COL5A1: variants seen among roughly 807,000 people sequenced by gnomAD.
COL5A1 encodes collagen alpha-1(V) chain.
COL5A1 carries 16 observed loss-of-function variants against 263.7 expected under a neutral mutation model. The observed-to-expected ratio is 0.06, with a 90% confidence interval of 0.04 to 0.09. The LOEUF is 0.09. Among genes scored for constraint, COL5A1 ranks in the 10% least tolerant of loss-of-function variants. The probability of loss-of-function intolerance (pLI) is 1.00; values close to 1 mark genes in which losing one functional copy is unlikely to be tolerated. For missense variants in COL5A1, 2,036 were observed against 2,540.5 expected (o/e 0.80, Z 4.27); for synonymous variants, 1,012 against 1,004.5 (o/e 1.01, Z -0.14).
chr9:134,692,261 G>T (rs1833312211), intron 2 of COL5A1, among the ~76,000 whole-genome samples: 2 of 152,184 alleles, frequency 1.3e-5, no homozygotes, highest in Non-Finnish European at 2.9e-5. Context: ...GCCCACCTCT[G>T]GGTACCAGAG....
chr9:134,823,030 C>G lies in COL5A1; in HGVS notation c.4641C>G (p.Ser1547=), dbSNP rs1280179438. The change falls in exon 60 of 66, where the codon TCC becomes TCG. Residue 1547 remains serine, a synonymous_variant. Coordinates refer to ENST00000371817, the MANE Select transcript of COL5A1 (RefSeq NM_000093.5). ...CTGGTCCAAAAGGTGCTAAGGGCTCCTCGGTAAGTAACATGCTGCCCAGCC... is the reference window on the plus strand; with the variant it reads ...CTGGTCCAAAAGGTGCTAAGGGCTCGTCGGTAAGTAACATGCTGCCCAGCC... ...GPPGPKGAKG[S]SGPTGPKGEA... 15 of 1,613,962 alleles carry G rather than the reference C, an allele frequency of 9.3e-6. No individual in the cohort carries two copies. In the East Asian group the frequency reaches 3.1e-4, roughly 34 times the overall value.
intron 63 of COL5A1, among the ~76,000 whole-genome samples, chr9:134,827,845 G>A (rs1839352895): frequency 6.6e-6 from 1 of 152,262 alleles, no homozygotes; most frequent in South Asian, 2.1e-4. Flanking sequence ...CTTCCAGGAA[G>A]AAGCTGCCTT....
intron 16 of COL5A1, 38 bp from the exon 17 acceptor site, chr9:134,756,727 G>T (rs1055596567): frequency 1.2e-6 from 2 of 1,608,806 alleles, no homozygotes; most frequent in Non-Finnish European, 1.7e-6. Flanking sequence ...GTGAACCGGG[G>T]CTCTTTTGCA....
rs1183451492 is a variant in COL5A1 at position 134,789,233 on chromosome 9, AG to A, written c.2700+27del. On this transcript the variant is annotated intron_variant, in intron 32 of 65. Transcript: ENST00000371817. The surrounding 1 kb of genome is among the most constrained non-coding windows in gnomAD (Gnocchi z 4.8). ...GGTAAGGATAGCCTGGCCCCTGGGC[AG>A]GCAGCTTGTTCGGCTGCCTCGGTGC... 6 of 1,609,526 alleles carry A rather than the reference AG, an allele frequency of 3.7e-6. No homozygotes were observed. The highest frequency in any genetic ancestry group is 4.2e-6 in the Non-Finnish European group (5 of 1,177,576).
At chr9:134,812,814 A>ACCCC in intron 48 of COL5A1, 102 bp downstream of exon 48, 2 of 851,306 alleles carry the variant, frequency 2.3e-6, no homozygotes, top group Non-Finnish European at 3.9e-6. Context: ...GTGCGCATGC[A>ACCCC]CACGCTTGTG....
intron 9 of COL5A1, among the ~76,000 whole-genome samples, chr9:134,734,689 C>T (rs775593242): frequency 1.2e-4 from 19 of 152,220 alleles, no homozygotes; most frequent in Non-Finnish European, 2.1e-4. Context: ...TCCACGGAAC[C>T]GAGAGGAGAC....
At chr9:134,797,123 C>T (rs952698144) in intron 36 of COL5A1, among the ~76,000 whole-genome samples, 5 of 152,370 alleles carry the variant, frequency 3.3e-5, no homozygotes, top group Admixed American at 1.3e-4. Flanking sequence ...GTCCCACTGC[C>T]GGGCCCGCTG....
rs368910903 is a variant in COL5A1 at position 134,681,808 on chromosome 9, A to G, written c.110-9104A>G. 2.2e-4 allele frequency among the ~76,000 whole-genome samples: 34 copies of G among 152,130 alleles called. No homozygotes were observed. The East Asian group carries it at 2.5e-3, about 11-fold the overall frequency. Reference sequence around the variant, plus strand: ...GCTTGGGGTTATTTAGAGACTCTCAAGTTTTTCTTGAAGTTAAGGATATTG... The same window carrying G: ...GCTTGGGGTTATTTAGAGACTCTCAGGTTTTTCTTGAAGTTAAGGATATTG... On this transcript the variant is annotated intron_variant, in intron 1 of 65. Coordinates refer to ENST00000371817, the MANE Select transcript of COL5A1 (RefSeq NM_000093.5). This position sits in a 1 kb window ranked among gnomAD's most constrained non-coding sequence, Gnocchi z 4.3.
chr9:134,830,328 T>C, intron 64 of COL5A1: 2 of 741,838 alleles, frequency 2.7e-6, no homozygotes, highest in East Asian at 5.4e-5. Context: ...CAGCTAGGTG[T>C]GGAGTCCTCT....
Position 134,785,037 on chromosome 9 carries a change from C to T in COL5A1, c.2533C>T (p.Pro845Ser). The change falls in exon 30 of 66, where the codon CCA becomes TCA. Residue 845 changes from proline to serine, a missense_variant. Physicochemically the swap from Pro to Ser is moderately conservative, Grantham distance 74 (BLOSUM62 -1). Transcript: ENST00000371817. ...GPRGEDGPEG[P>S]KGRGGPNGDP... is the part of the protein sequence containing the mutation. ...CAGGGGAGAAGATGGCCCTGAAGGC[C>T]CAAAGGGTCGCGGAGGTCCCAATGG... 3 of 1,613,408 alleles carry T rather than the reference C, an allele frequency of 1.9e-6. No homozygotes were observed. The highest frequency in any genetic ancestry group is 1.7e-6 in the Non-Finnish European group (2 of 1,180,010).
intron 64 of COL5A1, among the ~76,000 whole-genome samples, chr9:134,834,013 C>T (rs948845627): frequency 6.6e-6 from 1 of 152,152 alleles, no homozygotes; most frequent in African/African-American, 2.4e-5. Flanking sequence ...GCAGTGGGGG[C>T]ACCTCCTGCC....
rs528332407 is a variant in COL5A1 at position 134,754,191 on chromosome 9, G to C, written c.1774-82G>C. Reference sequence around the variant, plus strand: ...TGGACAGCCAGGCATGGGCAGGGTCGATGAGCACAGGGACAAGGCTTTGCT... The same window carrying C: ...TGGACAGCCAGGCATGGGCAGGGTCCATGAGCACAGGGACAAGGCTTTGCT... On this transcript the variant is annotated intron_variant, in intron 15 of 65. Coordinates refer to ENST00000371817, the MANE Select transcript of COL5A1 (RefSeq NM_000093.5). The surrounding 1 kb of genome is among the most constrained non-coding windows in gnomAD (Gnocchi z 4.3). The C allele has an allele frequency of 4.1e-6, 6 of 1,466,390 alleles. No homozygotes were observed. Among genetic ancestry groups the C allele is most frequent in the Non-Finnish European group, 5.7e-6 (6 of 1,057,160 alleles). The allele number at this position is 1,466,390 out of a possible 1,614,324, so 90.8% of individuals were successfully genotyped here. A position where few individuals can be genotyped will look rare whatever the true frequency, so the allele number is the denominator to read the frequency against.
At chr9:134,752,067 G>A (rs1034444694) in intron 13 of COL5A1, among the ~76,000 whole-genome samples, 1 of 152,218 alleles carries the variant, frequency 6.6e-6, no homozygotes, top group Non-Finnish European at 1.5e-5. Context: ...AAAGCGGTGG[G>A]CCCTGCACTG....
At position 134,801,949 on chromosome 9, in the gene COL5A1, C is replaced by T; in HGVS notation, c.2953-5C>T. On this transcript the variant is annotated splice_polypyrimidine_tract_variant and splice_region_variant and intron_variant, in intron 37 of 65. Transcript: ENST00000371817. ...ACCGTCAGTGCAGTGACTCTCTCTT[C>T]ACAGGGTTTCCAAGGCAAGACCGGC... 6.2e-7 allele frequency: 1 copy of T among 1,613,326 alleles called. No homozygotes were observed. Among genetic ancestry groups the T allele is most frequent in the Non-Finnish European group, 8.5e-7 (1 of 1,179,974 alleles).
At chr9:134,736,197 A>G (rs1441285981) in intron 9 of COL5A1, among the ~76,000 whole-genome samples, 1 of 95,148 alleles carries the variant, frequency 1.1e-5, no homozygotes, top group Non-Finnish European at 2.1e-5. Flanking sequence ...GACTTGTCAG[A>G]AGTGAGCTTA....
chr9:134,750,517 G>T (rs1215857403), intron 11 of COL5A1, 25 bp from the exon 12 acceptor site: 1 of 1,611,276 alleles, frequency 6.2e-7, no homozygotes, highest in Admixed American at 1.7e-5. Flanking sequence ...ACTCTGACTT[G>T]TCTCTCTTGG....
In COL5A1 at chr9:134,678,121, T is replaced by C. The variant is rs1832733499; in HGVS notation, c.110-12791T>C. Reference sequence around the variant, plus strand: ...GTATCTGCAGGGGTCTTGGAGGCATTCTCCCAGCTTGCAGCCCCATGGTGC... The same window carrying C: ...GTATCTGCAGGGGTCTTGGAGGCATCCTCCCAGCTTGCAGCCCCATGGTGC... On this transcript the variant is annotated intron_variant, in intron 1 of 65. Transcript: ENST00000371817. This position sits in a 1 kb window ranked among gnomAD's most constrained non-coding sequence, Gnocchi z 5.5. 6.6e-6 allele frequency among the ~76,000 whole-genome samples: 1 copy of C among 152,148 alleles called. No individual in the cohort carries two copies. Among genetic ancestry groups the C allele is most frequent in the Admixed American group, 6.5e-5 (1 of 15,282 alleles).
At chr9:134,660,250 G>C (rs576810965) in intron 1 of COL5A1, among the ~76,000 whole-genome samples, 1 of 152,296 alleles carries the variant, frequency 6.6e-6, no homozygotes, top group South Asian at 2.1e-4. Context: ...GTTTGCCAAG[G>C]ACCAGGCTCA....
intron 29 of COL5A1, among the ~76,000 whole-genome samples, chr9:134,784,111 C>T (rs530428522): frequency 6.6e-6 from 1 of 152,296 alleles, no homozygotes; most frequent in South Asian, 2.1e-4. Flanking sequence ...CAGCCTGGCA[C>T]TTTGCACCTT....
Sources: gnomAD v4.1 joint callset for allele counts (sites outside exome capture counted in the v4.1 genomes callset) on GRCh38, gnomAD v4.1.1 for gene constraint, Gnocchi (gnomAD v3.1) non-coding constraint, MANE v1.5 for transcripts, NCBI Gene and HGNC (gene_info 2026-07-23, HGNC 2026-07-21) for gene names.